The following TTC39B variants were observed in gnomAD, a reference collection of about 807,000 sequenced individuals.
TTC39B encodes tetratricopeptide repeat domain 39B.
TTC39B carries 92 observed loss-of-function variants against 96.6 expected under a neutral mutation model. That is an observed-to-expected ratio of 0.95 (90% confidence interval 0.80 to 1.13). The LOEUF (loss-of-function observed/expected upper bound fraction) is 1.13. Ranked by LOEUF, TTC39B falls within the 50% of genes most tolerant of loss-of-function variation. The pLI is 0.00. For synonymous variants in TTC39B, 367 were observed against 299.4 expected (o/e 1.23, Z -2.33); for missense variants, 955 against 809.3 (o/e 1.18, Z -2.18).
chr9:15,206,514 T>C (rs529207564), intron 6 of TTC39B, among the ~76,000 whole-genome samples: 1 of 152,368 alleles, frequency 6.6e-6, no homozygotes, highest in South Asian at 2.1e-4. Flanking sequence ...TGATTTACAT[T>C]GCATAGTTCT....
intron 6 of TTC39B, among the ~76,000 whole-genome samples, chr9:15,207,907 C>G (rs1285828833): frequency 7.0e-6 from 1 of 143,012 alleles, no homozygotes; most frequent in Non-Finnish European, 1.5e-5. Flanking sequence ...TGGTGTGAAC[C>G]TGGGAGGCGG....
At chr9:15,172,651 G>A (rs970456952) in intron 19 of TTC39B, among the ~76,000 whole-genome samples, 1 of 152,088 alleles carries the variant, frequency 6.6e-6, no homozygotes, top group Non-Finnish European at 1.5e-5. Flanking sequence ...TGTCTTTAAA[G>A]GGGGCCATAG....
chr9:15,292,624 C>T (rs1824230356), intron 1 of TTC39B, among the ~76,000 whole-genome samples: 1 of 152,150 alleles, frequency 6.6e-6, no homozygotes, highest in Non-Finnish European at 1.5e-5. Context: ...ATGACAGCTC[C>T]AGCCATGTTA....
chr9:15,268,194 G>C (rs1362264026), intron 1 of TTC39B, among the ~76,000 whole-genome samples: 1 of 151,914 alleles, frequency 6.6e-6, no homozygotes, highest in East Asian at 1.9e-4. Flanking sequence ...TGATCAAACT[G>C]GCCTAATTTA....
rs1378845524 is a variant in TTC39B at position 15,291,820 on chromosome 9, T to C, written c.240+15264A>G. ...TGTGGTATCTGTTCCTAGCAAGGCA[T>C]GCGGGAAAGAGGAAAGAACATGGGC... On this transcript the variant is annotated intron_variant, in intron 1 of 19. Coordinates refer to ENST00000512701, the Ensembl canonical transcript of TTC39B. Among the ~76,000 whole-genome samples, 6 of 152,210 alleles carry C rather than the reference T, an allele frequency of 3.9e-5. No individual in the cohort carries two copies. The East Asian group carries it at 7.7e-4, about 20-fold the overall frequency.
intron 3 of TTC39B, among the ~76,000 whole-genome samples, chr9:15,222,198 G>A (rs774064125): frequency 6.6e-6 from 1 of 152,162 alleles, no homozygotes; most frequent in Admixed American, 6.5e-5. Flanking sequence ...AATACACCTG[G>A]CACTCTTCTA....
chr9:15,207,143 A>AC (rs1819910872), intron 6 of TTC39B, among the ~76,000 whole-genome samples: 1 of 152,172 alleles, frequency 6.6e-6, no homozygotes, highest in South Asian at 2.1e-4. Flanking sequence ...CTATGAGTCA[A>AC]TTAAACCTCT....
At position 15,257,825 on chromosome 9, in the gene TTC39B, C is replaced by A. The variant is rs756706683; in HGVS notation, c.275+10089G>T. 1.1e-4 allele frequency among the ~76,000 whole-genome samples: 17 copies of A among 151,786 alleles called. 1 individual carries two copies. The highest frequency in any genetic ancestry group is 2.9e-5 in the Non-Finnish European group (2 of 67,932). On this transcript the variant is annotated intron_variant, in intron 2 of 19. Transcript: ENST00000512701. ...CTGTAATCCCAGCACTTTGGGAGTC[C>A]GAGGTGGGTGGATCATCTGAGATCG...
At position 15,267,109 on chromosome 9, in the gene TTC39B, C is replaced by G. The variant is rs542350361; in HGVS notation, c.275+805G>C. On this transcript the variant is annotated intron_variant, in intron 2 of 19. Transcript: ENST00000512701. ...AAAAGGACACCAGAGAGCTTTTGCT[C>G]TCACTCTCTCGGCCATGTAAGAACA... Among the ~76,000 whole-genome samples the G allele has an allele frequency of 3.3e-5, 5 of 152,084 alleles. No homozygotes were observed. The East Asian group carries it at 7.7e-4, about 24-fold the overall frequency.
At chr9:15,275,918 T>C (rs190607709) in intron 1 of TTC39B, among the ~76,000 whole-genome samples, 1 of 152,304 alleles carries the variant, frequency 6.6e-6, no homozygotes, top group Admixed American at 6.5e-5. Flanking sequence ...AGATCTTTTT[T>C]TGAAAAAATT....
intron 1 of TTC39B, among the ~76,000 whole-genome samples, chr9:15,276,788 T>G (rs1477951434): frequency 2.6e-5 from 4 of 152,150 alleles, no homozygotes; most frequent in African/African-American, 4.8e-5. Flanking sequence ...TTGTGTACAA[T>G]AAAGATTCCA....
intron 1 of TTC39B, among the ~76,000 whole-genome samples, chr9:15,302,180 G>C (rs1490673146): frequency 6.6e-6 from 1 of 150,638 alleles, no homozygotes; most frequent in Non-Finnish European, 1.5e-5. Context: ...ACAAAAATTA[G>C]CTGGATGTGG....
intron 3 of TTC39B, among the ~76,000 whole-genome samples, chr9:15,220,056 A>G (rs1820759465): frequency 6.6e-6 from 1 of 152,224 alleles, no homozygotes; most frequent in Non-Finnish European, 1.5e-5. Context: ...CCAAAAAGGA[A>G]CCTTTTTTCC....
intron 1 of TTC39B, among the ~76,000 whole-genome samples, chr9:15,268,489 G>C (rs1048565585): frequency 6.6e-6 from 1 of 152,060 alleles, no homozygotes; most frequent in Non-Finnish European, 1.5e-5. Context: ...AACGCACACA[G>C]TCATATGCAC....
At chr9:15,188,158 TC>T (rs1383153794) in intron 13 of TTC39B, 26 bp from the exon 14 acceptor site, 1 of 1,566,264 alleles carries the variant, frequency 6.4e-7, no homozygotes, top group East Asian at 2.3e-5. Flanking sequence ...ACAAAGTTGA[TC>T]GTCCAGATAT....
chr9:15,194,358 C>G lies in TTC39B; in HGVS notation c.825-1663G>C, dbSNP rs576259121. 2.6e-5 allele frequency among the ~76,000 whole-genome samples: 4 copies of G among 152,196 alleles called. No homozygotes were observed. The South Asian group carries it at 6.2e-4, about 24-fold the overall frequency. ...ATAAAATGAACAATTTTCCCAAAAA[C>G]ATTTACTAAAGTACCTATCTTTCTT... On this transcript the variant is annotated intron_variant, in intron 8 of 19. Coordinates refer to ENST00000512701, the Ensembl canonical transcript of TTC39B.
intron 8 of TTC39B, among the ~76,000 whole-genome samples, chr9:15,197,861 A>T (rs1819265798): frequency 6.6e-6 from 1 of 151,680 alleles, no homozygotes; most frequent in African/African-American, 2.4e-5. Flanking sequence ...AGGAAAAAAA[A>T]CCCATCGACT....
intron 2 of TTC39B, among the ~76,000 whole-genome samples, chr9:15,240,191 C>A (rs1821975210): frequency 6.6e-6 from 1 of 152,094 alleles, no homozygotes; most frequent in South Asian, 2.1e-4. Flanking sequence ...ACTGCCAACT[C>A]CAATCCCATT....
chr9:15,278,492 T>C (rs1302898048), intron 1 of TTC39B, among the ~76,000 whole-genome samples: 1 of 152,240 alleles, frequency 6.6e-6, no homozygotes, highest in African/African-American at 2.4e-5. Context: ...TCATTTACTA[T>C]GTCAAGCATA....
Sources: allele counts gnomAD v4.1 joint callset (sites outside exome capture counted in the v4.1 genomes callset), GRCh38; gene constraint gnomAD v4.1.1; transcripts MANE v1.5; gene names NCBI Gene and HGNC (gene_info 2026-07-23, HGNC 2026-07-21).